Variants in C18orf63 observed in about 807,000 individuals in gnomAD.
C18orf63 encodes the protein uncharacterized protein C18orf63.
In C18orf63, 50 loss-of-function variants were observed where a neutral mutation model predicts 75.3. That is an observed-to-expected ratio of 0.66 (90% CI 0.53 to 0.84). C18orf63 has a LOEUF of 0.84. Ranked by LOEUF, C18orf63 falls within the 40% of genes least tolerant of loss-of-function variation. The pLI, the probability that C18orf63 is intolerant of heterozygous loss-of-function variation, is 0.00. For synonymous variants in C18orf63, 232 were observed against 267.6 expected, an observed-to-expected ratio of 0.87 and a Z score of 1.30; for missense variants, 732 against 800.2, an observed-to-expected ratio of 0.91 and a Z score of 1.03.
At position 74,356,996 on chromosome 18, in the gene C18orf63, A is replaced by C. The variant is rs1984777982; in HGVS notation, c.*549A>C. The C allele has an allele frequency of 6.6e-6, 1 of 152,192 alleles. No individual in the cohort carries two copies. Among genetic ancestry groups the C allele is most frequent in the Non-Finnish European group, 1.5e-5 (1 of 68,038 alleles). 9.4% of individuals were successfully genotyped at this position (152,192 alleles called of 1,614,324 possible). A position where few individuals can be genotyped will look rare whatever the true frequency, so the allele number is the denominator to read the frequency against. On this transcript the variant is annotated 3_prime_UTR_variant, in exon 14 of 14. Transcript: ENST00000579455. ...AGTGTATATATTTCTAACATAAGAT[A>C]TAGTATATTTTTTAAGAAAAAAAGA...
At chr18:74,338,978 T>G (rs1984436071) in intron 8 of C18orf63, among the ~76,000 whole-genome samples, 154 bp downstream of exon 8, 1 of 152,074 alleles carries the variant, frequency 6.6e-6, no homozygotes, top group African/African-American at 2.4e-5. Context: ...GAAACAATAT[T>G]GTCATATTTA....
intron 4 of C18orf63, among the ~76,000 whole-genome samples, chr18:74,323,169 A>G (rs1183755971): frequency 2.0e-5 from 3 of 152,190 alleles, no homozygotes; most frequent in African/African-American, 7.2e-5. Flanking sequence ...AGTGGTTAGT[A>G]TTCATTTACT....
At chr18:74,328,903 C>G (rs958137661) in intron 5 of C18orf63, 92 bp from the exon 6 acceptor site, 2 of 697,148 alleles carry the variant, frequency 2.9e-6, no homozygotes, top group Non-Finnish European at 2.4e-6. Context: ...TTTTCTTTAG[C>G]TTTGATAATC....
chr18:74,335,729 T>G (rs955010006), intron 7 of C18orf63, among the ~76,000 whole-genome samples: 3 of 152,122 alleles, frequency 2.0e-5, no homozygotes, highest in African/African-American at 7.2e-5. Context: ...GGTACTACTA[T>G]GTATATATGC....
intron 4 of C18orf63, 76 bp downstream of exon 4, chr18:74,322,830 C>G: frequency 2.1e-6 from 1 of 476,312 alleles, no homozygotes; most frequent in Non-Finnish European, 3.4e-6. Context: ...TGTCAACAAA[C>G]AAAAACTGGA....
intron 4 of C18orf63, among the ~76,000 whole-genome samples, chr18:74,324,878 C>T (rs1390807435): frequency 6.6e-6 from 1 of 152,158 alleles, no homozygotes; most frequent in East Asian, 1.9e-4. Context: ...GACTTTCCAA[C>T]CCTGAATTCT....
chr18:74,333,630 G>A (rs1482882999), intron 7 of C18orf63, among the ~76,000 whole-genome samples: 4 of 152,134 alleles, frequency 2.6e-5, no homozygotes, highest in Non-Finnish European at 5.9e-5. Context: ...GAGGGTAACT[G>A]CCCCCATGAG....
chr18:74,353,465 T>C lies in C18orf63; in HGVS notation c.1198T>C (p.Ser400Pro). ...TGTTCAGGGTAGAAAGAAATCCCTG[T>C]CTATCAGGGCTCCACAAGTACATTC... ...ESVQGRKKSL[S>P]IRAPQVHSEV... Residue 400 changes from serine (S) to proline (P), a missense_variant, in exon 12 of 14, where the codon TCT becomes CCT. Ser to Pro is a moderately conservative substitution (Grantham distance 74). Around this residue, in one of 3 missense-constraint regions of C18orf63, gnomAD observed 495 missense variants for 508.7 expected, o/e 0.97. Transcript: ENST00000579455. The C allele has an allele frequency of 6.5e-7, 1 of 1,536,254 alleles. No homozygotes were observed. The highest frequency in any genetic ancestry group is 8.7e-7 in the Non-Finnish European group (1 of 1,146,790).
rs1002038767 is a variant in C18orf63, at chr18:74,338,813, C to T, written c.600C>T (p.Tyr200=). Residue 200 remains tyrosine, a synonymous_variant, in exon 8 of 14, where the codon TAC becomes TAT. Coordinates refer to ENST00000579455, the MANE Select transcript of C18orf63 (RefSeq NM_001174123.2). ...ATTCCATTTTAAGCAACTGGTGCTA[C>T]GTTTTGCCAAGGTGAGATTTCAATT... is the stretch of plus-strand genomic sequence containing the variant. ...ERHSILSNWC[Y]VLPSMKMGQI... The T allele has an allele frequency of 7.2e-6, 10 of 1,389,276 alleles. No homozygotes were observed. The highest frequency in any genetic ancestry group is 1.4e-5 in the African/African-American group (1 of 69,728). The allele number at this position is 1,389,276 out of a possible 1,614,324, so 86.1% of individuals were successfully genotyped here. A position where few individuals can be genotyped will look rare whatever the true frequency, so the allele number is the denominator to read the frequency against.
intron 2 of C18orf63, among the ~76,000 whole-genome samples, chr18:74,318,778 A>G (rs1372269879): frequency 6.6e-6 from 1 of 150,438 alleles, no homozygotes; most frequent in African/African-American, 2.5e-5. Context: ...CAACAGAGCG[A>G]GACTCTGTCT....
intron 7 of C18orf63, among the ~76,000 whole-genome samples, chr18:74,331,868 T>C (rs1426220396): frequency 1.3e-5 from 2 of 152,328 alleles, no homozygotes; most frequent in East Asian, 1.9e-4. Context: ...TTACCTCTTA[T>C]GTGGATAAGT....
intron 12 of C18orf63, 54 bp downstream of exon 12, chr18:74,354,322 C>T (rs1217228085): frequency 1.6e-5 from 22 of 1,379,770 alleles, no homozygotes; most frequent in Non-Finnish European, 1.5e-5. Flanking sequence ...CCTTAAAACC[C>T]CTAAATAAGG....
chr18:74,352,736 T>C (rs1011265526), intron 11 of C18orf63, among the ~76,000 whole-genome samples: 6 of 152,222 alleles, frequency 3.9e-5, no homozygotes, highest in African/African-American at 1.4e-4. Context: ...ATCTGGTACC[T>C]ACTTAGGAAG....
chr18:74,332,134 T>G (rs905804127), intron 7 of C18orf63, among the ~76,000 whole-genome samples: 2 of 152,162 alleles, frequency 1.3e-5, no homozygotes, highest in African/African-American at 4.8e-5. Context: ...AATTGGGTAA[T>G]TTGTAAAGAA....
chr18:74,346,355 G>T (rs1242783614), intron 11 of C18orf63, among the ~76,000 whole-genome samples: 1 of 151,996 alleles, frequency 6.6e-6, no homozygotes, highest in African/African-American at 2.4e-5. Context: ...TGTATTCTGA[G>T]ACCACAATAT....
chr18:74,356,191 A>G lies in C18orf63; in HGVS notation c.*34-290A>G, dbSNP rs958869366. Among the ~76,000 whole-genome samples the G allele has an allele frequency of 3.3e-5, 5 of 152,176 alleles. No homozygotes were observed. The East Asian group carries it at 9.6e-4, about 29-fold the overall frequency. On this transcript the variant is annotated intron_variant, in intron 13 of 13. Transcript: ENST00000579455. The stretch of plus-strand genomic sequence containing the variant: ...GTTACCTGCATGTATTGTAGGGGTA[A>G]AGTCAGGGCTTTTAGTGTATTCATC...
At chr18:74,335,628 C>G (rs895596913) in intron 7 of C18orf63, among the ~76,000 whole-genome samples, 3 of 152,078 alleles carry the variant, frequency 2.0e-5, no homozygotes, top group African/African-American at 7.2e-5. Flanking sequence ...TAATATTAAA[C>G]TGTTTGCTTT....
In C18orf63 at chr18:74,342,042, G is replaced by A. The variant is rs1337787572; in HGVS notation, c.622G>A (p.Gly208Arg). The change falls in exon 9 of 14, where the codon GGA becomes AGA. Residue 208 changes from glycine (G) to arginine (R), a missense_variant. By Grantham distance (125) the Gly-to-Arg change is moderately radical. Transcript: ENST00000579455. ...WCYVLPSMKMGQIINIFHAIP... is the reference protein window; with the variant it reads ...WCYVLPSMKMRQIINIFHAIP... ...TCTCATTTTTCATAGTATGAAAATG[G>A]GACAAATTATAAATATTTTTCATGC... 1 of 1,504,094 alleles carries A rather than the reference G, an allele frequency of 6.6e-7. No homozygotes were observed. The highest frequency in any genetic ancestry group is 2.0e-5 in the Admixed American group (1 of 50,310). 93.2% of individuals were successfully genotyped at this position (1,504,094 alleles called of 1,614,324 possible). A position where few individuals can be genotyped will look rare whatever the true frequency, so the allele number is the denominator to read the frequency against.
At chr18:74,342,005 A>T (rs1984496267) in intron 8 of C18orf63, 27 bp from the exon 9 acceptor site, 1 of 1,181,266 alleles carries the variant, frequency 8.5e-7, no homozygotes, top group South Asian at 1.4e-5. Flanking sequence ...GCATTGGCTC[A>T]TAATAGCTTC....
Sources: gnomAD v4.1 joint callset for allele counts (sites outside exome capture counted in the v4.1 genomes callset) on GRCh38, gnomAD v4.1.1 for gene constraint, gnomAD v4.1.1 regional missense constraint, MANE v1.5 for transcripts, NCBI Gene and HGNC (gene_info 2026-07-23, HGNC 2026-07-21) for gene names.